PEX7: variants seen among roughly 807,000 people sequenced by gnomAD.
PEX7 encodes the protein peroxisomal biogenesis factor 7, also known as PTS2 receptor.
PEX7 carries 34 observed loss-of-function variants against 47.5 expected under a neutral mutation model. The ratio of observed to expected loss-of-function variants is 0.72; its 90% CI spans 0.54 to 0.95. PEX7 has a LOEUF of 0.95. Ranked by LOEUF, PEX7 falls within the 40% of genes least tolerant of loss-of-function variation. PEX7 has a pLI of 0.00. For missense variants in PEX7, 394 were observed against 400.3 expected (o/e 0.98, Z 0.13); for synonymous variants, 141 against 148.8 (o/e 0.95, Z 0.38).
intron 3 of PEX7, among the ~76,000 whole-genome samples, chr6:136,843,891 C>T (rs1442274925): frequency 6.6e-6 from 1 of 151,810 alleles, no homozygotes; most frequent in Non-Finnish European, 1.5e-5. Context: ...GGCACTCACT[C>T]TAGGTACACA....
intron 8 of PEX7, among the ~76,000 whole-genome samples, chr6:136,888,563 A>C (rs541612430): frequency 6.6e-6 from 1 of 152,256 alleles, no homozygotes; most frequent in Admixed American, 6.5e-5. Context: ...GAATATTTGC[A>C]TTCCCCGATT....
At chr6:136,827,185 A>C (rs1263968124) in intron 3 of PEX7, among the ~76,000 whole-genome samples, 6 of 152,156 alleles carry the variant, frequency 3.9e-5, no homozygotes, top group African/African-American at 1.4e-4. Flanking sequence ...GCCCTCAATA[A>C]ATGCTTATTA....
chr6:136,839,933 T>G (rs935095739), intron 3 of PEX7, among the ~76,000 whole-genome samples: 4 of 152,054 alleles, frequency 2.6e-5, no homozygotes, highest in African/African-American at 4.8e-5. Flanking sequence ...GTATGCAGTG[T>G]TATGGGAAGG....
intron 8 of PEX7, among the ~76,000 whole-genome samples, chr6:136,890,000 A>C (rs1055923709): frequency 6.6e-6 from 1 of 152,180 alleles, no homozygotes; most frequent in South Asian, 2.1e-4. Flanking sequence ...ACTTAGACCA[A>C]CTGGGTACTG....
chr6:136,908,750 G>A (rs923934966), intron 9 of PEX7, among the ~76,000 whole-genome samples: 5 of 152,154 alleles, frequency 3.3e-5, no homozygotes, highest in Admixed American at 2.6e-4. Flanking sequence ...ATTGAGTTTC[G>A]TCAGAGGAGT....
chr6:136,888,145 C>T (rs1344222445), intron 8 of PEX7, among the ~76,000 whole-genome samples: 2 of 151,966 alleles, frequency 1.3e-5, no homozygotes, highest in African/African-American at 2.4e-5. Context: ...GCCTCACAAA[C>T]CTTTCATTTC....
chr6:136,896,134 G>A (rs1040984101), intron 8 of PEX7, among the ~76,000 whole-genome samples: 4 of 152,148 alleles, frequency 2.6e-5, no homozygotes, highest in Non-Finnish European at 5.9e-5. Flanking sequence ...TTTGTCCTAA[G>A]CTGGCTCAAA....
intron 3 of PEX7, among the ~76,000 whole-genome samples, chr6:136,835,433 T>C (rs1281406562): frequency 6.6e-6 from 1 of 151,846 alleles, no homozygotes; most frequent in African/African-American, 2.4e-5. Context: ...AGATTATAGG[T>C]GTGTGCCACC....
chr6:136,846,212 A>G lies in PEX7; in HGVS notation c.526+31A>G, dbSNP rs191687565. On this transcript the variant is annotated intron_variant, in intron 5 of 9. Transcript: ENST00000318471. ...TTATTCTGTATTTACCAAAAGCCTTACTTGTAGTGAATGGTGGCCTTGTTT... is the reference window on the plus strand; with the variant it reads ...TTATTCTGTATTTACCAAAAGCCTTGCTTGTAGTGAATGGTGGCCTTGTTT... The G allele has an allele frequency of 1.9e-3, 2,654 of 1,388,398 alleles. 53 individuals are homozygous for G. Among genetic ancestry groups the G allele is most frequent in the Non-Finnish European group, 3.6e-4 (354 of 977,400 alleles). The allele number at this position is 1,388,398 out of a possible 1,614,324, so 86.0% of individuals were successfully genotyped here. A position where few individuals can be genotyped will look rare whatever the true frequency, so the allele number is the denominator to read the frequency against.
chr6:136,865,700 C>T (rs1456690502), intron 5 of PEX7, among the ~76,000 whole-genome samples: 3 of 152,098 alleles, frequency 2.0e-5, no homozygotes, highest in African/African-American at 4.8e-5. Flanking sequence ...ATTGCTTGAA[C>T]CCAGGAGGTG....
chr6:136,864,465 A>T (rs900315099), intron 5 of PEX7, among the ~76,000 whole-genome samples: 1 of 152,298 alleles, frequency 6.6e-6, no homozygotes, highest in African/African-American at 2.4e-5. Context: ...AACTTGATTA[A>T]GCATCAGTGG....
rs775125126 is a variant in PEX7, at chr6:136,826,302, G to A, written c.189-17G>A. 2.5e-6 allele frequency: 4 copies of A among 1,613,268 alleles called. No individual in the cohort carries two copies. The African/African-American group carries it at 5.3e-5, about 22-fold the overall frequency. Reference sequence around the variant, plus strand: ...TAAGTGTTGTATTTTTTTGTTGTTTGTTTTTTCCTAGTGTAGCTTTGACTG... The same window carrying A: ...TAAGTGTTGTATTTTTTTGTTGTTTATTTTTTCCTAGTGTAGCTTTGACTG... On this transcript the variant is annotated splice_polypyrimidine_tract_variant and intron_variant, in intron 2 of 9. Coordinates refer to ENST00000318471, the MANE Select transcript of PEX7 (RefSeq NM_000288.4).
rs557074298 is a variant in PEX7 at position 136,864,391 on chromosome 6, G to A, written c.527-2236G>A. On this transcript the variant is annotated intron_variant, in intron 5 of 9. Coordinates refer to ENST00000318471, the MANE Select transcript of PEX7 (RefSeq NM_000288.4). ...GGCACCGTACTCATGCTACTACCTT[G>A]TCTCATTTCAGCCTTACAAGGCAGT... Among the ~76,000 whole-genome samples the A allele has an allele frequency of 2.0e-5, 3 of 152,088 alleles. 1 individual carries two copies. Among genetic ancestry groups the A allele is most frequent in the African/African-American group, 7.2e-5 (3 of 41,484 alleles).
At chr6:136,891,976 G>A (rs934998792) in intron 8 of PEX7, among the ~76,000 whole-genome samples, 9 of 152,108 alleles carry the variant, frequency 5.9e-5, no homozygotes, top group African/African-American at 1.7e-4. Flanking sequence ...TAAAGTAATA[G>A]GCCCATGAGT....
chr6:136,825,326 G>A, intron 2 of PEX7, 55 bp downstream of exon 2: 1 of 1,394,952 alleles, frequency 7.2e-7, no homozygotes, highest in South Asian at 1.2e-5. Context: ...AGCCTTAATA[G>A]AATTAGGTTT....
chr6:136,867,575 C>G (rs1480181789), intron 6 of PEX7, among the ~76,000 whole-genome samples: 2 of 151,686 alleles, frequency 1.3e-5, no homozygotes, highest in Admixed American at 6.6e-5. Flanking sequence ...TTGTATAGCT[C>G]TACAATGTGT....
At chr6:136,890,449 A>AT (rs895226114) in intron 8 of PEX7, among the ~76,000 whole-genome samples, 28 of 151,446 alleles carry the variant, frequency 1.8e-4, no homozygotes, top group South Asian at 1.0e-3. Context: ...CTGCAGGCTG[A>AT]TTTTTTTTTC....
At chr6:136,868,841 G>A (rs12192501) in intron 6 of PEX7, among the ~76,000 whole-genome samples, 61,854 of 151,708 alleles carry the variant, frequency 0.41, 13,321 homozygotes, top group South Asian at 0.51. Context: ...GGGTTCACTT[G>A]GGGCTCTAGA....
intron 5 of PEX7, among the ~76,000 whole-genome samples, chr6:136,863,985 G>A (rs762798545): frequency 1.3e-5 from 2 of 152,184 alleles, no homozygotes; most frequent in South Asian, 4.1e-4. Flanking sequence ...CAGTGTAGTT[G>A]TAAAGCTGTA....
Sources: gnomAD v4.1 joint callset for allele counts (sites outside exome capture counted in the v4.1 genomes callset) on GRCh38, gnomAD v4.1.1 for gene constraint, MANE v1.5 for transcripts, NCBI Gene and HGNC (gene_info 2026-07-23, HGNC 2026-07-21) for gene names.